Variants in PLB1 observed in about 807,000 individuals in gnomAD.
The protein encoded by PLB1 is phospholipase B1.
A neutral mutation model predicts 227.4 loss-of-function variants in PLB1; 242 were observed. That is an observed-to-expected ratio of 1.06 (90% CI 0.96 to 1.18). The LOEUF is 1.18. Ranked by LOEUF, PLB1 falls within the 50% of genes most tolerant of loss-of-function variation. The probability of loss-of-function intolerance (pLI) is 0.00; values close to 1 mark genes in which losing one functional copy is unlikely to be tolerated. For synonymous variants in PLB1, 757 were observed against 682.2 expected (o/e 1.11, Z -1.71); for missense variants, 1,858 against 1,816.3 (o/e 1.02, Z -0.42).
chr2:28,496,231 C>T (rs1666417911), intron 1 of PLB1, 62 bp downstream of exon 1: 21 of 1,493,686 alleles, frequency 1.4e-5, no homozygotes, highest in Non-Finnish European at 1.9e-5. Flanking sequence ...TCCCATGTTG[C>T]TTAGGCAATG....
chr2:28,578,111 C>G lies in PLB1; in HGVS notation c.1438C>G (p.Leu480Val), dbSNP rs1258518203. 4 of 1,614,130 alleles carry G rather than the reference C, an allele frequency of 2.5e-6. No individual in the cohort carries two copies. The highest frequency in any genetic ancestry group is 1.6e-4 in the Middle Eastern group (1 of 6,062). The change falls in exon 22 of 58, where the codon CTA becomes GTA. Residue 480 changes from leucine (L) to valine (V), a missense_variant. By Grantham distance (32) the Leu-to-Val change is conservative. Transcript: ENST00000327757. ...QAVAGGRAEDLPVQARRLVDL... is the reference protein window; with the variant it reads ...QAVAGGRAEDVPVQARRLVDL... Reference sequence around the variant, plus strand: ...TCCTCTGGTATGTTTCCACAGGGATCTACCTGTCCAGGCCAGGAGGCTGGT... The same window carrying G: ...TCCTCTGGTATGTTTCCACAGGGATGTACCTGTCCAGGCCAGGAGGCTGGT...
chr2:28,544,491 C>T (rs1672946478), intron 14 of PLB1, among the ~76,000 whole-genome samples: 1 of 152,216 alleles, frequency 6.6e-6, no homozygotes, highest in South Asian at 2.1e-4. Flanking sequence ...ACCATACCAC[C>T]TTGTACCCTG....
intron 17 of PLB1, among the ~76,000 whole-genome samples, chr2:28,561,812 C>T (rs1020348196): frequency 2.5e-4 from 38 of 152,012 alleles, no homozygotes; most frequent in South Asian, 2.1e-4. Context: ...CACTTGAGCC[C>T]GGGAGGTCGA....
intron 35 of PLB1, among the ~76,000 whole-genome samples, 195 bp downstream of exon 35, chr2:28,598,955 G>A (rs1010913994): frequency 2.0e-5 from 3 of 152,202 alleles, no homozygotes; most frequent in East Asian, 1.9e-4. Flanking sequence ...GGAGAGATGC[G>A]ATGCCCCTAT....
chr2:28,511,404 G>C (rs1267096515), intron 1 of PLB1, among the ~76,000 whole-genome samples: 1 of 151,962 alleles, frequency 6.6e-6, no homozygotes, highest in Non-Finnish European at 1.5e-5. Flanking sequence ...GGTCATAGTT[G>C]GCTGGTCTCC....
chr2:28,496,475 G>A (rs778936175), intron 1 of PLB1, among the ~76,000 whole-genome samples: 2 of 152,010 alleles, frequency 1.3e-5, no homozygotes, highest in Non-Finnish European at 2.9e-5. Context: ...TGTGCTTTGT[G>A]GCTTTGGGCA....
chr2:28,603,008 G>A, intron 39 of PLB1, 87 bp downstream of exon 39: 1 of 1,191,850 alleles, frequency 8.4e-7, no homozygotes, highest in Admixed American at 1.7e-5. Flanking sequence ...CAGGGTCTTT[G>A]TGACTTGGTC....
chr2:28,614,257 C>T (rs1685880382), intron 44 of PLB1, among the ~76,000 whole-genome samples, 161 bp downstream of exon 44: 1 of 152,086 alleles, frequency 6.6e-6, no homozygotes, highest in African/African-American at 2.4e-5. Context: ...CCACGAAGCC[C>T]CAGGATTGTC....
At chr2:28,601,437 C>T (rs1042232385) in intron 37 of PLB1, 105 bp downstream of exon 37, 1 of 807,688 alleles carries the variant, frequency 1.2e-6, no homozygotes, top group South Asian at 1.5e-5. Flanking sequence ...TAGGATTATC[C>T]ACCTACACCT....
At chr2:28,564,377 C>T (rs1045255256) in intron 18 of PLB1, among the ~76,000 whole-genome samples, 5 of 152,310 alleles carry the variant, frequency 3.3e-5, no homozygotes, top group African/African-American at 1.2e-4. Context: ...GCTGTGGCAG[C>T]CTCCTCCGTG....
chr2:28,624,404 G>A (rs939437048), intron 49 of PLB1, among the ~76,000 whole-genome samples: 2 of 120,854 alleles, frequency 1.7e-5, no homozygotes, highest in African/African-American at 5.8e-5. Context: ...CCCTTTTTAT[G>A]GCTGAGTAGT....
intron 43 of PLB1, among the ~76,000 whole-genome samples, chr2:28,608,799 G>A (rs989567751): frequency 3.9e-5 from 6 of 151,900 alleles, no homozygotes; most frequent in Non-Finnish European, 4.4e-5. Context: ...ACACTAAATC[G>A]CCTTGATTTT....
intron 25 of PLB1, 121 bp from the exon 26 acceptor site, chr2:28,585,640 C>T: frequency 6.0e-6 from 5 of 838,892 alleles, no homozygotes. Flanking sequence ...TCCTCATTAG[C>T]ACAGATCTCT....
Position 28,541,746 on chromosome 2 carries a change from G to A in PLB1, c.814G>A (p.Glu272Lys), listed in dbSNP as rs1229984817. ...NSLLASSRYS[E>K]QESFTVVFQP... The stretch of plus-strand genomic sequence containing the variant: ...CCTCCTGGCCTCCAGCAGGTACAGT[G>A]AGCAGGAGTCCTTCACCGTGGTTTT... Residue 272 changes from glutamate to lysine, a missense_variant, in exon 13 of 58, where the codon GAG becomes AAG. Physicochemically the swap from Glu to Lys is moderately conservative, Grantham distance 56. Transcript: ENST00000327757. 1.2e-6 allele frequency: 2 copies of A among 1,614,040 alleles called. No individual in the cohort carries two copies. Among genetic ancestry groups the A allele is most frequent in the Non-Finnish European group, 1.7e-6 (2 of 1,180,020 alleles).
At chr2:28,604,299 A>G (rs1478732920) in intron 40 of PLB1, among the ~76,000 whole-genome samples, 2 of 151,502 alleles carry the variant, frequency 1.3e-5, no homozygotes, top group Non-Finnish European at 2.9e-5. Context: ...CTTAACCCCA[A>G]CTCCTGGCCC....
rs545118431 is a variant in PLB1 at position 28,530,591 on chromosome 2, C to A, written c.468+812C>A. Among the ~76,000 whole-genome samples, 4 of 152,320 alleles carry A rather than the reference C, an allele frequency of 2.6e-5. No homozygotes were observed. The East Asian group carries it at 5.8e-4, about 22-fold the overall frequency. ...CCTTGGTACCACTCTCCTAACAGTTCGTATACTATTTACTCGATAACCTAT... is the reference window on the plus strand; with the variant it reads ...CCTTGGTACCACTCTCCTAACAGTTAGTATACTATTTACTCGATAACCTAT... On this transcript the variant is annotated intron_variant, in intron 8 of 57. Coordinates refer to ENST00000327757, the MANE Select transcript of PLB1 (RefSeq NM_153021.5).
rs1188681308 is a variant in PLB1, at chr2:28,632,882, G to C, written c.4003-62G>C. On this transcript the variant is annotated intron_variant, in intron 55 of 57. Transcript: ENST00000327757. ...TGCCCAGGGCACCTGCTGGGAGAGT[G>C]AGTGGGGCTCAGGTAGCAGAGCCCT... The C allele has an allele frequency of 2.4e-6, 3 of 1,248,868 alleles. No individual in the cohort carries two copies. The African/African-American group carries it at 4.4e-5, about 18-fold the overall frequency. The allele number at this position is 1,248,868 out of a possible 1,614,324, so 77.4% of individuals were successfully genotyped here. A position where few individuals can be genotyped will look rare whatever the true frequency, so the allele number is the denominator to read the frequency against.
At chr2:28,507,747 G>A (rs971974865) in intron 1 of PLB1, among the ~76,000 whole-genome samples, 5 of 152,232 alleles carry the variant, frequency 3.3e-5, no homozygotes, top group Admixed American at 1.3e-4. Flanking sequence ...GGCACAGGGT[G>A]TATGATATTG....
intron 44 of PLB1, among the ~76,000 whole-genome samples, chr2:28,616,239 A>G (rs910684612): frequency 3.3e-5 from 5 of 152,338 alleles, no homozygotes; most frequent in Admixed American, 3.3e-4. Flanking sequence ...AATGTTCCCA[A>G]CACAAAGAAA....
Sources: gnomAD v4.1 joint callset for allele counts (sites outside exome capture counted in the v4.1 genomes callset) on GRCh38, gnomAD v4.1.1 for gene constraint, MANE v1.5 for transcripts, NCBI Gene and HGNC (gene_info 2026-07-23, HGNC 2026-07-21) for gene names.